The following ATF7 variants were observed in gnomAD, a reference collection of about 807,000 sequenced individuals.
ATF7 encodes activating transcription factor 7.
A neutral mutation model predicts 50.4 loss-of-function variants in ATF7; 10 were observed. The ratio of observed to expected loss-of-function variants is 0.20; its 90% confidence interval spans 0.12 to 0.34. The LOEUF is 0.34. Among genes scored for constraint, ATF7 ranks in the 10% least tolerant of loss-of-function variants. The probability of loss-of-function intolerance (pLI) is 1.00; values close to 1 mark genes in which losing one functional copy is unlikely to be tolerated. For missense variants in ATF7, 465 were observed against 613.9 expected, an observed-to-expected ratio of 0.76 and a Z score of 2.56; for synonymous variants, 201 against 226.4, an observed-to-expected ratio of 0.89 and a Z score of 1.01.
intron 2 of ATF7, among the ~76,000 whole-genome samples, chr12:53,591,559 C>T (rs1293505647): frequency 6.6e-6 from 1 of 152,184 alleles, no homozygotes. Flanking sequence ...CACCCTGATG[C>T]CTCTCCCTGT....
chr12:53,600,512 G>T (rs896814958), intron 2 of ATF7, among the ~76,000 whole-genome samples: 5 of 152,042 alleles, frequency 3.3e-5, no homozygotes, highest in African/African-American at 9.7e-5. Context: ...AGCTAATTTT[G>T]TATTTTTAGT....
downstream of ATF7, among the ~76,000 whole-genome samples, chr12:53,508,388 C>G (rs1331950370): frequency 1.3e-5 from 2 of 151,260 alleles, no homozygotes; most frequent in African/African-American, 2.4e-5. Flanking sequence ...ATGGTGAAAC[C>G]CTGTCTACTA....
chr12:53,543,432 T>C lies in ATF7; in HGVS notation c.162A>G (p.Pro54=), dbSNP rs1366808964. 1 of 1,597,582 alleles carries C rather than the reference T, an allele frequency of 6.3e-7. No homozygotes were observed. The highest frequency in any genetic ancestry group is 8.5e-7 in the Non-Finnish European group (1 of 1,171,022). ...SVIIADQTPT[P]TRFLKNCEEV... is the part of the protein sequence containing the mutation. ...CCTCACAGTTCTTCAGGAATCTAGTTGGAGTAGGCGTTTGATCTGTAGACA... is the reference window on the plus strand; with the variant it reads ...CCTCACAGTTCTTCAGGAATCTAGTCGGAGTAGGCGTTTGATCTGTAGACA... Residue 54 remains proline, a synonymous_variant, in exon 4 of 12, where the codon CCA becomes CCG. Transcript: ENST00000420353.
intron 4 of ATF7, among the ~76,000 whole-genome samples, chr12:53,541,130 T>C (rs1172922442): frequency 6.6e-6 from 1 of 152,212 alleles, no homozygotes; most frequent in Non-Finnish European, 1.5e-5. Flanking sequence ...ACTATCTTGC[T>C]TTCTTACCAC....
intron 2 of ATF7, among the ~76,000 whole-genome samples, chr12:53,556,140 T>C (rs1239758434): frequency 1.3e-5 from 2 of 152,236 alleles, no homozygotes; most frequent in African/African-American, 4.8e-5. Flanking sequence ...TAAGGAGATA[T>C]GACAAGTAGT....
intron 2 of ATF7, among the ~76,000 whole-genome samples, chr12:53,584,398 C>G (rs1942581542): frequency 6.6e-6 from 1 of 152,208 alleles, no homozygotes; most frequent in Admixed American, 6.5e-5. Context: ...GCAACAAGAA[C>G]TCTCATTCAT....
chr12:53,523,992 T>G (rs1001887706), intron 10 of ATF7, among the ~76,000 whole-genome samples: 1 of 152,230 alleles, frequency 6.6e-6, no homozygotes, highest in African/African-American at 2.4e-5. Flanking sequence ...ACTGAATGTA[T>G]CTACAGGAAA....
chr12:53,616,367 C>T (rs982548724), intron 1 of ATF7, among the ~76,000 whole-genome samples: 5 of 151,986 alleles, frequency 3.3e-5, no homozygotes, highest in East Asian at 1.9e-4. Flanking sequence ...GGACTAAAGG[C>T]GTGCACCACC....
intron 3 of ATF7, among the ~76,000 whole-genome samples, chr12:53,547,747 T>TTATGTATG (rs57447677): frequency 8.9e-4 from 133 of 149,200 alleles, no homozygotes; most frequent in African/African-American, 1.5e-3. Context: ...TCGGCTAATT[T>TTATGTATG]TATGTATGTA....
chr12:53,555,982 A>T (rs1940728372), intron 2 of ATF7, among the ~76,000 whole-genome samples: 1 of 151,538 alleles, frequency 6.6e-6, no homozygotes, highest in Non-Finnish European at 1.5e-5. Context: ...CACTTGGCTA[A>T]TTTTTGTATT....
chr12:53,579,410 G>T (rs1942274415), intron 2 of ATF7, among the ~76,000 whole-genome samples: 1 of 151,774 alleles, frequency 6.6e-6, no homozygotes, highest in African/African-American at 2.4e-5. Flanking sequence ...AAATTAGCCG[G>T]GCATGGTGGT....
At chr12:53,577,171 G>C (rs928112779) in intron 2 of ATF7, among the ~76,000 whole-genome samples, 1 of 151,974 alleles carries the variant, frequency 6.6e-6, no homozygotes, top group Non-Finnish European at 1.5e-5. Context: ...CTGTAGTTCC[G>C]GCTACTTGGG....
chr12:53,565,091 G>T (rs1012363486), intron 2 of ATF7, among the ~76,000 whole-genome samples: 4 of 151,984 alleles, frequency 2.6e-5, no homozygotes, highest in Non-Finnish European at 5.9e-5. Flanking sequence ...CTTCTATTTT[G>T]GTTCCTTGTT....
At chr12:53,579,223 G>A (rs1287805880) in intron 2 of ATF7, among the ~76,000 whole-genome samples, 1 of 151,966 alleles carries the variant, frequency 6.6e-6, no homozygotes. Context: ...CAGCCTGGGA[G>A]ACAGAGCAAG....
intron 2 of ATF7, among the ~76,000 whole-genome samples, chr12:53,590,506 C>T (rs1942894434): frequency 6.6e-6 from 1 of 152,130 alleles, no homozygotes; most frequent in Admixed American, 6.6e-5. Flanking sequence ...TTTGCTCAAC[C>T]CTAATACCTT....
At chr12:53,517,998 G>A (rs1400456929) in intron 11 of ATF7, among the ~76,000 whole-genome samples, 1 of 152,160 alleles carries the variant, frequency 6.6e-6, no homozygotes, top group Non-Finnish European at 1.5e-5. Flanking sequence ...CCGAGTAGCT[G>A]GGACTACAGG....
chr12:53,555,044 G>A lies in ATF7; in HGVS notation c.49-2407C>T, dbSNP rs1176981664. 7.2e-5 allele frequency among the ~76,000 whole-genome samples: 11 copies of A among 152,168 alleles called. No individual in the cohort carries two copies. The East Asian group carries it at 1.2e-3, about 16-fold the overall frequency. On this transcript the variant is annotated intron_variant, in intron 2 of 11. Transcript: ENST00000420353. Reference sequence around the variant, plus strand: ...ATGTTTCCGTAAGAAAAAAGTGGCCGGGAGTGGTGGCTCATGCTTGTAATC... The same window carrying A: ...ATGTTTCCGTAAGAAAAAAGTGGCCAGGAGTGGTGGCTCATGCTTGTAATC...
At chr12:53,510,157 A>C (rs951256003), downstream of ATF7, among the ~76,000 whole-genome samples, 16 of 150,954 alleles carry the variant, frequency 1.1e-4, no homozygotes, top group African/African-American at 3.7e-4. Flanking sequence ...CTCCTGCCTC[A>C]ACCTCCCGAG....
chr12:53,587,843 A>ATTTTT (rs201692852), intron 2 of ATF7, among the ~76,000 whole-genome samples: 19 of 61,554 alleles, frequency 3.1e-4, no homozygotes, highest in South Asian at 7.4e-4. Flanking sequence ...ATATATATAT[A>ATTTTT]TTTTTTTTTT....
Sources: gnomAD v4.1 joint callset for allele counts (sites outside exome capture counted in the v4.1 genomes callset) on GRCh38, gnomAD v4.1.1 for gene constraint, MANE v1.5 for transcripts, NCBI Gene and HGNC (gene_info 2026-07-23, HGNC 2026-07-21) for gene names.